Variants in SVOP observed in about 807,000 individuals in gnomAD.
The protein encoded by SVOP is SV2 related protein.
SVOP carries 17 observed loss-of-function variants against 69.1 expected under a neutral mutation model. The observed-to-expected ratio is 0.25, with a 90% confidence interval of 0.17 to 0.37. The LOEUF is 0.37. Among genes scored for constraint, SVOP ranks in the 10% least tolerant of loss-of-function variants. The probability of loss-of-function intolerance (pLI) is 1.00; values close to 1 mark genes in which losing one functional copy is unlikely to be tolerated. For synonymous variants in SVOP, 238 were observed against 238.6 expected, an observed-to-expected ratio of 1.00 and a Z score of 0.02; for missense variants, 435 against 597.5, an observed-to-expected ratio of 0.73 and a Z score of 2.84.
intron 1 of SVOP, among the ~76,000 whole-genome samples, chr12:108,991,896 T>C (rs1382435125): frequency 3.3e-5 from 5 of 152,096 alleles, no homozygotes; most frequent in African/African-American, 4.8e-5. Context: ...CAGTGAGCTA[T>C]GATTGCACCA....
intron 2 of SVOP, among the ~76,000 whole-genome samples, chr12:108,980,620 G>T (rs1291112712): frequency 1.4e-5 from 1 of 72,266 alleles, no homozygotes; most frequent in African/African-American, 7.2e-5. Context: ...CGCGGTGGCG[G>T]GCGCCTGTAG....
intron 1 of SVOP, among the ~76,000 whole-genome samples, chr12:108,994,256 G>A (rs918855855): frequency 6.6e-6 from 1 of 152,310 alleles, no homozygotes; most frequent in African/African-American, 2.4e-5. Flanking sequence ...CACTTTGGGA[G>A]GCCAAGGTGA....
At chr12:108,933,772 A>G (rs1367078170) in intron 11 of SVOP, among the ~76,000 whole-genome samples, 1 of 152,200 alleles carries the variant, frequency 6.6e-6, no homozygotes, top group East Asian at 1.9e-4. Context: ...GGCCTAGTTT[A>G]CCTGAGCTGG....
intron 6 of SVOP, among the ~76,000 whole-genome samples, chr12:108,951,782 T>A (rs2039955394): frequency 6.6e-6 from 1 of 152,218 alleles, no homozygotes; most frequent in African/African-American, 2.4e-5. Flanking sequence ...CACACCTGGA[T>A]TTGAACCCAG....
chr12:108,934,102 A>T, intron 11 of SVOP, 93 bp downstream of exon 11: 2 of 1,139,116 alleles, frequency 1.8e-6, no homozygotes, highest in Non-Finnish European at 2.5e-6. Flanking sequence ...CCAATCCCTT[A>T]AGGGCAGAGC....
chr12:108,941,930 G>T (rs894943298), intron 7 of SVOP, among the ~76,000 whole-genome samples: 3 of 152,140 alleles, frequency 2.0e-5, no homozygotes, highest in Non-Finnish European at 4.4e-5. Flanking sequence ...CTCCCAAAGT[G>T]CTGGGATTAC....
At chr12:108,984,468 C>G (rs994381725) in intron 1 of SVOP, among the ~76,000 whole-genome samples, 7 of 152,216 alleles carry the variant, frequency 4.6e-5, no homozygotes, top group African/African-American at 7.2e-5. Context: ...ACCCCAACCC[C>G]TGTTTTAGAT....
Position 109,020,894 on chromosome 12 carries a change from T to G in SVOP, c.-26A>C, listed in dbSNP as rs1354571074. 1 of 716,924 alleles carries G rather than the reference T, an allele frequency of 1.4e-6. No homozygotes were observed. Among genetic ancestry groups the G allele is most frequent in the African/African-American group, 1.8e-5 (1 of 57,116 alleles). 44.4% of individuals were successfully genotyped at this position (716,924 alleles called of 1,614,324 possible). On this transcript the variant is annotated 5_prime_UTR_variant, in exon 1 of 16. Coordinates refer to ENST00000610966, the MANE Select transcript of SVOP (RefSeq NM_018711.5). ...GTCCGCGCTGCGCCAGGATGAGCCCTTCTCATGGCCCTTACATGGTAGTGG... is the reference window on the plus strand; with the variant it reads ...GTCCGCGCTGCGCCAGGATGAGCCCGTCTCATGGCCCTTACATGGTAGTGG...
chr12:108,917,996 C>A, intron 14 of SVOP, 47 bp downstream of exon 14: 1 of 1,457,370 alleles, frequency 6.9e-7, no homozygotes, highest in Non-Finnish European at 9.3e-7. Flanking sequence ...CACAGCCACT[C>A]TCCCCCCACT....
In SVOP at chr12:108,909,882, G is replaced by A. The variant is rs1378289412; in HGVS notation, c.*2653C>T. The stretch of plus-strand genomic sequence containing the variant: ...ATATTCAGAAGTTTGGGTGCCTTTT[G>A]TGATAGCTCTTGTATCATTTGATAA... On this transcript the variant is annotated 3_prime_UTR_variant, in exon 16 of 16. Transcript: ENST00000610966. 6.6e-6 allele frequency: 1 copy of A among 152,216 alleles called. No homozygotes were observed. Among genetic ancestry groups the A allele is most frequent in the African/African-American group, 2.4e-5 (1 of 41,460 alleles). The allele number at this position is 152,216 out of a possible 1,614,324, so 9.4% of individuals were successfully genotyped here. A position where few individuals can be genotyped will look rare whatever the true frequency, so the allele number is the denominator to read the frequency against.
At chr12:108,940,315 T>G (rs1173860195) in intron 8 of SVOP, among the ~76,000 whole-genome samples, 1 of 152,166 alleles carries the variant, frequency 6.6e-6, no homozygotes, top group Non-Finnish European at 1.5e-5. Context: ...ATGATGAGTA[T>G]GTGGCAAGAT....
At chr12:108,963,687 A>C (rs1259059740) in intron 5 of SVOP, among the ~76,000 whole-genome samples, 1 of 151,926 alleles carries the variant, frequency 6.6e-6, no homozygotes, top group Non-Finnish European at 1.5e-5. Context: ...GTGTTTTGCC[A>C]TGTTGACCAG....
At chr12:108,996,924 C>T (rs1441704851) in intron 1 of SVOP, among the ~76,000 whole-genome samples, 1 of 152,088 alleles carries the variant, frequency 6.6e-6, no homozygotes, top group African/African-American at 2.4e-5. Context: ...AGAACAAGAC[C>T]CTGTCTCAAG....
chr12:108,941,017 A>G lies in SVOP; in HGVS notation c.643-108T>C, dbSNP rs2039888331. 4.9e-6 allele frequency: 7 copies of G among 1,423,928 alleles called. No individual in the cohort carries two copies. The Admixed American group carries it at 6.8e-5, about 14-fold the overall frequency. 88.2% of individuals were successfully genotyped at this position (1,423,928 alleles called of 1,614,324 possible). The stretch of plus-strand genomic sequence containing the variant: ...ATCTCTGTGGGTAAGGGGTCATCGG[A>G]GTCAGTAAGGTTAGAATAGCCACAC... On this transcript the variant is annotated intron_variant, in intron 7 of 15. Transcript: ENST00000610966.
intron 1 of SVOP, among the ~76,000 whole-genome samples, chr12:108,994,161 G>T (rs1449839232): frequency 6.6e-6 from 1 of 152,152 alleles, no homozygotes; most frequent in African/African-American, 2.4e-5. Context: ...TTCATTACAG[G>T]GATGGAAACA....
At chr12:108,946,803 C>G (rs997105354) in intron 6 of SVOP, among the ~76,000 whole-genome samples, 7 of 151,724 alleles carry the variant, frequency 4.6e-5, no homozygotes, top group Admixed American at 2.0e-4. Context: ...ACTGAAACCT[C>G]CACCTCCCGG....
At chr12:108,975,771 G>A (rs1480818753) in intron 4 of SVOP, among the ~76,000 whole-genome samples, 1 of 152,022 alleles carries the variant, frequency 6.6e-6, no homozygotes, top group Non-Finnish European at 1.5e-5. Context: ...GTGAAATCTC[G>A]GCTCTCTGCA....
intron 1 of SVOP, among the ~76,000 whole-genome samples, chr12:109,015,932 C>T (rs563631647): frequency 1.1e-4 from 16 of 152,162 alleles, no homozygotes; most frequent in African/African-American, 3.9e-4. Context: ...AGGTGGAGGA[C>T]GGACGAAGAG....
intron 1 of SVOP, 80 bp downstream of exon 1, chr12:109,020,754 A>ACCCCCCCCCCCCCCCC (rs67827847): frequency 1.7e-4 from 41 of 239,380 alleles, no homozygotes; most frequent in South Asian, 3.4e-4. Context: ...GCAGAGATGT[A>ACCCCCCCCCCCCCCCC]CCCCCCCCCA....
Sources: allele counts gnomAD v4.1 joint callset (sites outside exome capture counted in the v4.1 genomes callset), GRCh38; gene constraint gnomAD v4.1.1; transcripts MANE v1.5; gene names NCBI Gene and HGNC (gene_info 2026-07-23, HGNC 2026-07-21).